The following CCL25 variants were observed in gnomAD, a reference collection of about 807,000 sequenced individuals.
The protein encoded by CCL25 is C-C motif chemokine 25.
Under a neutral mutation model 19.9 loss-of-function variants are expected in CCL25, and 14 were observed. The ratio of observed to expected loss-of-function variants is 0.70; its 90% CI spans 0.47 to 1.10. The LOEUF (loss-of-function observed/expected upper bound fraction) is 1.10. Among genes scored for constraint, CCL25 ranks in the 50% least tolerant of loss-of-function variants. The pLI is 0.00. For synonymous variants in CCL25, 68 were observed against 73.2 expected (o/e 0.93, Z 0.36); for missense variants, 151 against 181.2 (o/e 0.83, Z 0.96).
At chr19:8,060,170 G>GAA (rs201837259) in intron 5 of CCL25, among the ~76,000 whole-genome samples, 1 of 139,708 alleles carries the variant, frequency 7.2e-6, no homozygotes. Context: ...CCTGTCTCAA[G>GAA]AAAAAAAAAA....
At chr19:8,057,762 T>G (rs764312373) in intron 4 of CCL25, 39 bp from the exon 5 acceptor site, 12 of 1,583,820 alleles carry the variant, frequency 7.6e-6, no homozygotes, top group Non-Finnish European at 9.5e-6. Context: ...CAAAGGATGA[T>G]GGCAGAGCTC....
At position 8,053,014 on chromosome 19, in the gene CCL25, C is replaced by T. The variant is rs980242352; in HGVS notation, c.-36C>T. 12 of 1,499,214 alleles carry T rather than the reference C, an allele frequency of 8.0e-6. No homozygotes were observed. The East Asian group carries it at 2.2e-4, about 28-fold the overall frequency. 92.9% of individuals were successfully genotyped at this position (1,499,214 alleles called of 1,614,324 possible). On this transcript the variant is annotated 5_prime_UTR_variant, in exon 2 of 6. Transcript: ENST00000315626. ...CACGACCCCAGGTGGCCCCGTTATT[C>T]GTCCAGGTGCCCAGGGAGGAGGACC...
intron 5 of CCL25, among the ~76,000 whole-genome samples, chr19:8,060,021 G>A (rs1042143225): frequency 4.6e-5 from 7 of 151,908 alleles, no homozygotes; most frequent in African/African-American, 1.2e-4. Flanking sequence ...CCTGGGAGGC[G>A]GGCCTTGAAG....
chr19:8,060,002 T>G (rs1042504523), intron 5 of CCL25, among the ~76,000 whole-genome samples: 1 of 151,874 alleles, frequency 6.6e-6, no homozygotes, highest in Non-Finnish European at 1.5e-5. Flanking sequence ...GGCAGGAGAA[T>G]GGCATGAACC....
At chr19:8,053,635 G>A (rs985385797) in intron 2 of CCL25, among the ~76,000 whole-genome samples, 4 of 146,250 alleles carry the variant, frequency 2.7e-5, no homozygotes, top group African/African-American at 7.7e-5. Context: ...TGCAACCTCC[G>A]CCTCCTGGGC....
intron 2 of CCL25, among the ~76,000 whole-genome samples, chr19:8,053,792 G>A (rs1246975687): frequency 6.6e-6 from 1 of 151,674 alleles, no homozygotes; most frequent in Non-Finnish European, 1.5e-5. Flanking sequence ...CAGGCGATCC[G>A]CCTGCCTCAG....
intron 5 of CCL25, among the ~76,000 whole-genome samples, chr19:8,060,782 G>A (rs1473367502): frequency 2.0e-5 from 3 of 151,270 alleles, no homozygotes; most frequent in Admixed American, 1.3e-4. Flanking sequence ...CCGGGTTCAC[G>A]CCATTCTCCT....
In CCL25 at chr19:8,057,853, G is replaced by A. The variant is rs2303164; in HGVS notation, c.378G>A (p.Ser126=). The stretch of plus-strand genomic sequence containing the variant: ...GTTCTGGAAACTCCAAGTTATCATC[G>A]TCCAAGTTTAGCAATCCCATCAGCA... The part of the protein sequence containing the change: ...KLSSGNSKLS[S]SKFSNPISSS... Residue 126 remains serine, a synonymous_variant, in exon 5 of 6, where the codon TCG becomes TCA. Transcript: ENST00000315626. The A allele has an allele frequency of 0.64, 1,033,493 of 1,612,624 alleles. 334,587 individuals carry two copies. The highest frequency in any genetic ancestry group is 0.77 in the South Asian group (69,728 of 91,002).
intron 2 of CCL25, among the ~76,000 whole-genome samples, chr19:8,055,115 C>A (rs1177812033): frequency 6.6e-6 from 1 of 150,468 alleles, no homozygotes; most frequent in Non-Finnish European, 1.5e-5. Context: ...ATGGTGAAAC[C>A]CCGTCTCTAC....
At position 8,059,151 on chromosome 19, in the gene CCL25, AAT is replaced by A. The variant is rs1430326814; in HGVS notation, c.445+1239_445+1240del. On this transcript the variant is annotated intron_variant, in intron 5 of 5. Coordinates refer to ENST00000315626, the MANE Select transcript of CCL25 (RefSeq NM_005624.4). The stretch of plus-strand genomic sequence containing the variant: ...TATAAATATATATTATATAATATAT[AAT>A]ATATATAATATATAATATATATAAT... Among the ~76,000 whole-genome samples the A allele has an allele frequency of 6.3e-3, 103 of 16,412 alleles. 1 individual carries two copies. The highest frequency in any genetic ancestry group is 0.016 in the African/African-American group (91 of 5,746). The allele number at this position is 16,412 out of a possible 152,430, so 10.8% of individuals were successfully genotyped here. A position where few individuals can be genotyped will look rare whatever the true frequency, so the allele number is the denominator to read the frequency against.
rs537237854 is a variant in CCL25 at position 8,054,449 on chromosome 19, G to A, written c.73+1327G>A. ...CGGTTGGGAGACACCTGGAGGGCTC[G>A]AGTCCTCCCTTTCCCTGCTCCTGCT... On this transcript the variant is annotated intron_variant, in intron 2 of 5. Transcript: ENST00000315626. Among the ~76,000 whole-genome samples, 25 of 152,310 alleles carry A rather than the reference G, an allele frequency of 1.6e-4. No individual in the cohort carries two copies. In the South Asian group the frequency reaches 3.9e-3, roughly 24 times the overall value.
chr19:8,052,367 G>A (rs1271359778), upstream of CCL25, among the ~76,000 whole-genome samples: 1 of 152,008 alleles, frequency 6.6e-6, no homozygotes, highest in East Asian at 1.9e-4. Flanking sequence ...CCTAACCATG[G>A]TGTGGAAGGA....
intron 5 of CCL25, among the ~76,000 whole-genome samples, chr19:8,058,343 T>A (rs567095015): frequency 1.2e-5 from 1 of 86,774 alleles, no homozygotes; most frequent in Non-Finnish European, 2.6e-5. Context: ...TAAATATATA[T>A]AATATATATA....
chr19:8,060,079 ACT>A (rs2145298089), intron 5 of CCL25, among the ~76,000 whole-genome samples: 1 of 151,588 alleles, frequency 6.6e-6, no homozygotes, highest in African/African-American at 2.4e-5. Context: ...AAAGAGCGAG[ACT>A]CTGTCTCTAA....
Position 8,057,444 on chromosome 19 carries a change from G to A in CCL25, c.326-357G>A, listed in dbSNP as rs539285576. Among the ~76,000 whole-genome samples, 8 of 151,834 alleles carry A rather than the reference G, an allele frequency of 5.3e-5. No individual in the cohort carries two copies. In the South Asian group the frequency reaches 1.0e-3, roughly 20 times the overall value. On this transcript the variant is annotated intron_variant, in intron 4 of 5. Coordinates refer to ENST00000315626, the MANE Select transcript of CCL25 (RefSeq NM_005624.4). ...TCCTGGGCTCAAGCAATCCTCCCAC[G>A]TCAGCCTCCCAAGTAGCTGGGATTA...
At chr19:8,061,937 C>G (rs1473855411) in intron 5 of CCL25, among the ~76,000 whole-genome samples, 1 of 151,152 alleles carries the variant, frequency 6.6e-6, no homozygotes, top group East Asian at 1.9e-4. Flanking sequence ...GTAGTTGCAG[C>G]TACTAGGGAG....
At chr19:8,053,634 C>T (rs572082192) in intron 2 of CCL25, among the ~76,000 whole-genome samples, 3 of 151,440 alleles carry the variant, frequency 2.0e-5, no homozygotes, top group Non-Finnish European at 2.9e-5. Context: ...CTGCAACCTC[C>T]GCCTCCTGGG....
chr19:8,056,332 C>T lies in CCL25; in HGVS notation c.192-34C>T, dbSNP rs775313102. 2.5e-6 allele frequency: 4 copies of T among 1,611,598 alleles called. No homozygotes were observed. The South Asian group carries it at 4.4e-5, about 18-fold the overall frequency. On this transcript the variant is annotated intron_variant, in intron 3 of 5. Transcript: ENST00000315626. Reference sequence around the variant, plus strand: ...CACACAGCCTTGCTGCCAGCCTACACCCTAACCTGGGCACCCCCCTCTGCT... The same window carrying T: ...CACACAGCCTTGCTGCCAGCCTACATCCTAACCTGGGCACCCCCCTCTGCT...
intron 2 of CCL25, among the ~76,000 whole-genome samples, chr19:8,054,694 T>C (rs1216526454): frequency 6.6e-6 from 1 of 151,358 alleles, no homozygotes; most frequent in Non-Finnish European, 1.5e-5. Context: ...ACAGTGCCTG[T>C]GCTTCCCCCT....
Sources: allele counts gnomAD v4.1 joint callset (sites outside exome capture counted in the v4.1 genomes callset), GRCh38; gene constraint gnomAD v4.1.1; transcripts MANE v1.5; gene names NCBI Gene and HGNC (gene_info 2026-07-23, HGNC 2026-07-21).